SGK1: variants seen among roughly 807,000 people sequenced by gnomAD.
SGK1 encodes serine/threonine-protein kinase Sgk1.
In SGK1, 26 loss-of-function variants were observed where a neutral mutation model predicts 64.2. The ratio of observed to expected loss-of-function variants is 0.40; its 90% CI spans 0.30 to 0.56. The LOEUF is 0.56. Among genes scored for constraint, SGK1 ranks in the 20% least tolerant of loss-of-function variants. The probability of loss-of-function intolerance (pLI) is 0.38; values close to 1 mark genes in which losing one functional copy is unlikely to be tolerated. For synonymous variants in SGK1, 265 were observed against 239.7 expected (o/e 1.11, Z -0.98); for missense variants, 519 against 645.6 (o/e 0.80, Z 2.12).
chr6:134,296,770 T>A (rs1777353943), intron 1 of SGK1, among the ~76,000 whole-genome samples: 1 of 145,792 alleles, frequency 6.9e-6, no homozygotes, highest in Non-Finnish European at 1.5e-5. Flanking sequence ...AGGTTTTATT[T>A]TGGACCAAAA....
At chr6:134,277,363 A>G (rs1024071521) in intron 1 of SGK1, among the ~76,000 whole-genome samples, 1 of 152,194 alleles carries the variant, frequency 6.6e-6, no homozygotes, top group African/African-American at 2.4e-5. Flanking sequence ...GAACCAACAA[A>G]AAAAGGAAAT....
chr6:134,288,171 A>T (rs879930708), intron 1 of SGK1, among the ~76,000 whole-genome samples: 5 of 152,204 alleles, frequency 3.3e-5, no homozygotes, highest in Non-Finnish European at 7.3e-5. Context: ...CTAAAACAGG[A>T]GCAACTTGGT....
chr6:134,177,966 TAC>T (rs1775274822), intron 3 of SGK1: 3 of 781,666 alleles, frequency 3.8e-6, no homozygotes, highest in Non-Finnish European at 6.0e-6. Context: ...CTCAGAAAAT[TAC>T]AGTCATCAGT....
At chr6:134,267,661 A>G (rs1776874307) in intron 1 of SGK1, among the ~76,000 whole-genome samples, 5 of 152,188 alleles carry the variant, frequency 3.3e-5, no homozygotes, top group Admixed American at 3.3e-4. Context: ...AAGAAGGAAA[A>G]TAAAGCATAT....
In SGK1 at chr6:134,227,909, C is replaced by A. The variant is rs555227599; in HGVS notation, c.286-20478G>T. 4.7e-5 allele frequency among the ~76,000 whole-genome samples: 7 copies of A among 148,628 alleles called. No homozygotes were observed. The East Asian group carries it at 1.4e-3, about 30-fold the overall frequency. On this transcript the variant is annotated intron_variant, in intron 2 of 13. Transcript: ENST00000367858. ...CTAGTATTTATTACTGCCTTAGTAA[C>A]CTCTTTGAAATAGAAGACTGAATGG...
intron 3 of SGK1, among the ~76,000 whole-genome samples, chr6:134,206,350 TATATATATATATATATATATATATA>T (rs1775770714): frequency 9.3e-4 from 10 of 10,734 alleles, no homozygotes; most frequent in Admixed American, 4.8e-3. Flanking sequence ...TATATATATA[TATATATATATATATATATATATATA>T]TATATATATT....
At chr6:134,264,589 G>A (rs1776821267) in intron 1 of SGK1, among the ~76,000 whole-genome samples, 1 of 152,074 alleles carries the variant, frequency 6.6e-6, no homozygotes, top group Non-Finnish European at 1.5e-5. Flanking sequence ...GGACAAAGAA[G>A]TAAAATCACA....
intron 2 of SGK1, among the ~76,000 whole-genome samples, chr6:134,219,825 C>G (rs1475677837): frequency 6.8e-6 from 1 of 147,384 alleles, no homozygotes; most frequent in African/African-American, 2.5e-5. Flanking sequence ...TTTGGGAGGC[C>G]GAGGCGGGCG....
chr6:134,175,550 C>G lies in SGK1; in HGVS notation c.362-964G>C, dbSNP rs1327691235. The G allele has an allele frequency of 2.6e-6, 4 of 1,526,452 alleles. No homozygotes were observed. In the African/African-American group the frequency reaches 5.7e-5, roughly 22 times the overall value. The allele number at this position is 1,526,452 out of a possible 1,614,324, so 94.6% of individuals were successfully genotyped here. On this transcript the variant is annotated intron_variant, in intron 3 of 13. Transcript: ENST00000367858. ...GGCCGGCGGCGGCGCTTACCCAGTCCGCTCAGCAGGAAGGACTCGCTCCTT... is the reference window on the plus strand; with the variant it reads ...GGCCGGCGGCGGCGCTTACCCAGTCGGCTCAGCAGGAAGGACTCGCTCCTT...
At chr6:134,282,519 G>T (rs1417570989) in intron 1 of SGK1, among the ~76,000 whole-genome samples, 2 of 151,648 alleles carry the variant, frequency 1.3e-5, no homozygotes, top group Non-Finnish European at 2.9e-5. Flanking sequence ...TGGGCATGGT[G>T]GCGCACACCT....
At chr6:134,259,072 A>G (rs148411936) in intron 2 of SGK1, among the ~76,000 whole-genome samples, 1 of 152,214 alleles carries the variant, frequency 6.6e-6, no homozygotes, top group Non-Finnish European at 1.5e-5. Flanking sequence ...GGAACCAGGT[A>G]ATCGATTGCA....
rs926441602 is a variant in SGK1, at chr6:134,170,034, C to A, written c.*234G>T. 3.6e-5 allele frequency: 12 copies of A among 336,758 alleles called. No individual in the cohort carries two copies. Among genetic ancestry groups the A allele is most frequent in the Non-Finnish European group, 6.0e-5 (11 of 182,690 alleles). 20.9% of individuals were successfully genotyped at this position (336,758 alleles called of 1,614,324 possible). ...TAAGGCGGCACTCTAACGCTCGTTT[C>A]AGAGATAGCACCACGTTGGAAGGAA... On this transcript the variant is annotated 3_prime_UTR_variant, in exon 14 of 14. Transcript: ENST00000367858.
In SGK1 at chr6:134,262,105, T is replaced by G. The variant is rs767223450; in HGVS notation, c.113A>C (p.His38Pro). The G allele has an allele frequency of 6.2e-7, 1 of 1,611,392 alleles. No homozygotes were observed. Among genetic ancestry groups the G allele is most frequent in the African/African-American group, 1.3e-5 (1 of 75,004 alleles). ...IKSPMVSVDK[H>P]QSPSLKYTGS... ...GGTGTACTTCAGGCTGGGACTCTGATGCTTGTCCACACTGACCATTGGGCT... is the reference window on the plus strand; with the variant it reads ...GGTGTACTTCAGGCTGGGACTCTGAGGCTTGTCCACACTGACCATTGGGCT... Residue 38 changes from histidine (H) to proline (P), a missense_variant, in exon 2 of 14, where the codon CAT becomes CCT. His to Pro is a moderately conservative substitution (Grantham distance 77). Coordinates refer to ENST00000367858, the MANE Select transcript of SGK1 (RefSeq NM_001143676.3).
intron 11 of SGK1, 65 bp from the exon 12 acceptor site, chr6:134,171,243 G>T: frequency 6.9e-7 from 1 of 1,442,282 alleles, no homozygotes; most frequent in Non-Finnish European, 9.7e-7. Flanking sequence ...ATTACCAGTA[G>T]AGAAAAAGAT....
intron 1 of SGK1, among the ~76,000 whole-genome samples, chr6:134,262,934 T>C (rs1042847724): frequency 6.6e-6 from 1 of 151,676 alleles, no homozygotes; most frequent in African/African-American, 2.4e-5. Flanking sequence ...CCTCTTAAAG[T>C]GTTGGGATCA....
intron 1 of SGK1, among the ~76,000 whole-genome samples, chr6:134,289,380 C>G (rs943189608): frequency 5.9e-5 from 9 of 152,182 alleles, no homozygotes; most frequent in Admixed American, 1.3e-4. Flanking sequence ...ATTGGATAAG[C>G]CTTTACTACT....
At chr6:134,170,794 T>G in intron 13 of SGK1, 32 bp downstream of exon 13, 2 of 1,391,468 alleles carry the variant, frequency 1.4e-6, no homozygotes, top group Non-Finnish European at 2.0e-6. Context: ...CCTTTGGGCT[T>G]CTCTATACTT....
At chr6:134,314,249 C>T (rs908510059) in intron 1 of SGK1, among the ~76,000 whole-genome samples, 3 of 151,872 alleles carry the variant, frequency 2.0e-5, no homozygotes, top group African/African-American at 7.3e-5. Context: ...CCAGGGCAGC[C>T]TCTCATTACT....
chr6:134,184,841 G>A (rs1582695976), intron 3 of SGK1, among the ~76,000 whole-genome samples: 1 of 152,004 alleles, frequency 6.6e-6, no homozygotes, highest in African/African-American at 2.4e-5. Context: ...GTGCCACCAT[G>A]CCTGGCTTAT....
Sources: gnomAD v4.1 joint callset for allele counts (sites outside exome capture counted in the v4.1 genomes callset) on GRCh38, gnomAD v4.1.1 for gene constraint, MANE v1.5 for transcripts, NCBI Gene and HGNC (gene_info 2026-07-23, HGNC 2026-07-21) for gene names.